Variants in BAALC observed in about 807,000 individuals in gnomAD.
BAALC encodes the protein BAALC binder of MAP3K1 and KLF4, also known as brain and acute leukemia cytoplasmic protein.
Under a neutral mutation model 15.5 loss-of-function variants are expected in BAALC, and 9 were observed. The ratio of observed to expected loss-of-function variants is 0.58; its 90% CI spans 0.35 to 1.02. The LOEUF (loss-of-function observed/expected upper bound fraction) is 1.02, where lower values mean the gene tolerates loss of function less well. Among genes scored for constraint, BAALC ranks in the 50% least tolerant of loss-of-function variants. BAALC has a pLI of 0.02. For synonymous variants in BAALC, 80 were observed against 74.6 expected (o/e 1.07, Z -0.37); for missense variants, 201 against 192.4 (o/e 1.04, Z -0.27).
At chr8:103,167,719 C>T (rs958608973) in intron 1 of BAALC, among the ~76,000 whole-genome samples, 10 of 152,210 alleles carry the variant, frequency 6.6e-5, no homozygotes, top group African/African-American at 2.4e-4. Flanking sequence ...TCATGCAAGC[C>T]ATGAGTGAGG....
At chr8:103,216,178 C>T (rs1158534992) in intron 2 of BAALC, among the ~76,000 whole-genome samples, 2 of 152,252 alleles carry the variant, frequency 1.3e-5, no homozygotes, top group East Asian at 3.9e-4. Context: ...ACTTGATAAA[C>T]ATTTGGGTTG....
At chr8:103,161,569 T>C (rs1811224766) in intron 1 of BAALC, among the ~76,000 whole-genome samples, 1 of 152,228 alleles carries the variant, frequency 6.6e-6, no homozygotes, top group Non-Finnish European at 1.5e-5. Flanking sequence ...TCCCAATCTT[T>C]TACTGTAACA....
intron 2 of BAALC, among the ~76,000 whole-genome samples, chr8:103,219,916 T>C (rs1169857060): frequency 6.6e-6 from 1 of 152,176 alleles, no homozygotes; most frequent in African/African-American, 2.4e-5. Flanking sequence ...AAAACTAATA[T>C]TTTGACGTGC....
intron 1 of BAALC, among the ~76,000 whole-genome samples, chr8:103,211,386 T>C (rs1380021806): frequency 2.0e-5 from 3 of 152,218 alleles, no homozygotes; most frequent in Non-Finnish European, 4.4e-5. Flanking sequence ...ATTGAGGGTT[T>C]TTTCTTTCAA....
At chr8:103,220,830 T>C (rs1812660090) in intron 2 of BAALC, among the ~76,000 whole-genome samples, 1 of 152,224 alleles carries the variant, frequency 6.6e-6, no homozygotes, top group African/African-American at 2.4e-5. Context: ...CTTCCTTTTA[T>C]AATTAAAAAT....
At chr8:103,188,903 C>T (rs942390269) in intron 1 of BAALC, among the ~76,000 whole-genome samples, 8 of 152,178 alleles carry the variant, frequency 5.3e-5, no homozygotes, top group Non-Finnish European at 7.3e-5. Flanking sequence ...AACAATGTCT[C>T]ATTATTTTCT....
intron 2 of BAALC, among the ~76,000 whole-genome samples, chr8:103,214,235 G>A (rs184492807): frequency 2.2e-4 from 34 of 152,324 alleles, no homozygotes; most frequent in African/African-American, 6.7e-4. Flanking sequence ...TGAAGGGTCA[G>A]TGATCTCAAC....
At chr8:103,214,705 G>A (rs1287370439) in intron 2 of BAALC, among the ~76,000 whole-genome samples, 1 of 152,198 alleles carries the variant, frequency 6.6e-6, no homozygotes, top group African/African-American at 2.4e-5. Context: ...AATACAAAAT[G>A]AGTGAACAGA....
At chr8:103,226,659 C>T (rs561186052) in intron 2 of BAALC, among the ~76,000 whole-genome samples, 1 of 152,162 alleles carries the variant, frequency 6.6e-6, no homozygotes, top group Admixed American at 6.5e-5. Flanking sequence ...ACTTAAAGAA[C>T]CTACAATTTA....
intron 1 of BAALC, chr8:103,172,226 G>A (rs1811513297): frequency 6.6e-6 from 1 of 151,886 alleles, no homozygotes; most frequent in Admixed American, 6.6e-5. Flanking sequence ...CATTTGACTA[G>A]CTCTTGGCTA....
chr8:103,221,113 A>T (rs1371522668), intron 2 of BAALC, among the ~76,000 whole-genome samples: 1 of 152,206 alleles, frequency 6.6e-6, no homozygotes, highest in African/African-American at 2.4e-5. Context: ...GATTATTGAC[A>T]TCTGAACCCC....
At chr8:103,182,943 C>T (rs1563646258) in intron 1 of BAALC, among the ~76,000 whole-genome samples, 1 of 152,198 alleles carries the variant, frequency 6.6e-6, no homozygotes, top group African/African-American at 2.4e-5. Flanking sequence ...TCTCAGGCAA[C>T]ACCATTCAGA....
intron 2 of BAALC, among the ~76,000 whole-genome samples, chr8:103,222,733 C>G (rs1055899726): frequency 2.6e-5 from 4 of 152,138 alleles, no homozygotes; most frequent in African/African-American, 9.7e-5. Flanking sequence ...GATTTGTTTA[C>G]GGCTTGGAAC....
intron 2 of BAALC, among the ~76,000 whole-genome samples, chr8:103,220,352 T>C (rs1475596712): frequency 1.3e-5 from 2 of 152,216 alleles, no homozygotes; most frequent in African/African-American, 4.8e-5. Context: ...TGATTAATCA[T>C]GGATGTAACT....
intron 1 of BAALC, among the ~76,000 whole-genome samples, chr8:103,159,884 A>G (rs1460958038): frequency 6.6e-6 from 1 of 152,160 alleles, no homozygotes; most frequent in Admixed American, 6.5e-5. Context: ...CTGGGCACCT[A>G]GGCTGCTTGT....
At position 103,213,022 on chromosome 8, in the gene BAALC, A is replaced by C; in HGVS notation, c.264A>C (p.Pro88=). The C allele has an allele frequency of 6.2e-7, 1 of 1,614,146 alleles. No individual in the cohort carries two copies. The highest frequency in any genetic ancestry group is 1.3e-5 in the African/African-American group (1 of 75,070). The part of the protein sequence containing the change: ...EKKTNCETQC[P]NPQSLSSGPL... ...AGACGAACTGTGAGACCCAGTGCCC[A>C]AATCCCCAGAGCCTCAGCTCAGGCC... is the stretch of plus-strand genomic sequence containing the variant. Residue 88 remains proline (P), a synonymous_variant, in exon 2 of 3, where the codon CCA becomes CCC. Coordinates refer to ENST00000309982, the MANE Select transcript of BAALC (RefSeq NM_024812.3).
intron 2 of BAALC, among the ~76,000 whole-genome samples, chr8:103,225,994 T>A (rs1208397662): frequency 6.6e-6 from 1 of 152,218 alleles, no homozygotes; most frequent in Non-Finnish European, 1.5e-5. Flanking sequence ...CACCATTTAT[T>A]TGGATGCACT....
chr8:103,193,972 A>T (rs574544247), intron 1 of BAALC, among the ~76,000 whole-genome samples: 2 of 152,354 alleles, frequency 1.3e-5, no homozygotes, highest in South Asian at 4.1e-4. Flanking sequence ...AAATGGAGTC[A>T]AATTCAGAGA....
intron 1 of BAALC, among the ~76,000 whole-genome samples, chr8:103,193,324 T>G (rs1812016103): frequency 6.6e-6 from 1 of 152,202 alleles, no homozygotes; most frequent in African/African-American, 2.4e-5. Context: ...CTGGGGCCCC[T>G]TAGTATCTGG....
Sources: gnomAD v4.1 joint callset for allele counts (sites outside exome capture counted in the v4.1 genomes callset) on GRCh38, gnomAD v4.1.1 for gene constraint, MANE v1.5 for transcripts, NCBI Gene and HGNC (gene_info 2026-07-23, HGNC 2026-07-21) for gene names.